G2E3: variants seen among roughly 807,000 people sequenced by gnomAD.
The protein encoded by G2E3 is G2/M phase-specific E3 ubiquitin-protein ligase.
Under a neutral mutation model 92.8 loss-of-function variants are expected in G2E3, and 35 were observed. The ratio of observed to expected loss-of-function variants is 0.38; its 90% CI spans 0.29 to 0.50. The LOEUF (loss-of-function observed/expected upper bound fraction) is 0.50. Among genes scored for constraint, G2E3 ranks in the 20% least tolerant of loss-of-function variants. G2E3 has a pLI of 0.94. For synonymous variants in G2E3, 242 were observed against 272.4 expected, an observed-to-expected ratio of 0.89 and a Z score of 1.10; for missense variants, 554 against 823.8, an observed-to-expected ratio of 0.67 and a Z score of 4.01.
At chr14:30,564,775 A>G (rs1051521652) in intron 1 of G2E3, among the ~76,000 whole-genome samples, 8 of 152,166 alleles carry the variant, frequency 5.3e-5, no homozygotes, top group South Asian at 2.1e-4. Flanking sequence ...AAGGTTATCT[A>G]TGTTGTAGCA....
intron 1 of G2E3, among the ~76,000 whole-genome samples, chr14:30,564,312 T>C (rs954479027): frequency 6.6e-6 from 1 of 152,198 alleles, no homozygotes; most frequent in African/African-American, 2.4e-5. Context: ...TTGACCTTTT[T>C]TTGAGGTAAA....
chr14:30,607,831 G>T (rs1314514978), intron 11 of G2E3, 57 bp from the exon 12 acceptor site: 1 of 872,156 alleles, frequency 1.1e-6, no homozygotes, highest in Non-Finnish European at 1.7e-6. Context: ...TATAAAAAAT[G>T]ATGGTTATCT....
chr14:30,574,425 T>C (rs1013024601), intron 1 of G2E3: 23 of 138,100 alleles, frequency 1.7e-4, no homozygotes, highest in Non-Finnish European at 3.2e-4. Context: ...TTTTTTTAAC[T>C]TTTTTTTTTT....
At chr14:30,581,457 A>AC in intron 2 of G2E3, among the ~76,000 whole-genome samples, 1 of 152,242 alleles carries the variant, frequency 6.6e-6, no homozygotes, top group Non-Finnish European at 1.5e-5. Flanking sequence ...CTGCAATTCC[A>AC]GCACTTTACG....
chr14:30,598,474 CT>C lies in G2E3; in HGVS notation c.636-5del. 1 of 1,506,102 alleles carries C rather than the reference CT, an allele frequency of 6.6e-7. No individual in the cohort carries two copies. The highest frequency in any genetic ancestry group is 9.2e-7 in the Non-Finnish European group (1 of 1,081,634). 93.3% of individuals were successfully genotyped at this position (1,506,102 alleles called of 1,614,324 possible). A position where few individuals can be genotyped will look rare whatever the true frequency, so the allele number is the denominator to read the frequency against. On this transcript the variant is annotated splice_region_variant and splice_polypyrimidine_tract_variant and intron_variant, in intron 7 of 14. Transcript: ENST00000206595. ...TAGGTCAAAGCATATTTTATATCTT[CT>C]TTTATAGAGATGCTTCCTGGGAATT... is the stretch of plus-strand genomic sequence containing the variant.
chr14:30,608,395 T>C (rs1881932097), intron 12 of G2E3, among the ~76,000 whole-genome samples: 1 of 152,166 alleles, frequency 6.6e-6, no homozygotes, highest in South Asian at 2.1e-4. Context: ...AGATTCCCTA[T>C]TGCAAGCTAG....
chr14:30,563,235 A>G (rs1390942990), intron 1 of G2E3, among the ~76,000 whole-genome samples: 1 of 152,140 alleles, frequency 6.6e-6, no homozygotes. Context: ...TAGGGAATTA[A>G]AAAACAAAAC....
At chr14:30,602,180 T>G (rs927540951) in intron 10 of G2E3, 49 bp downstream of exon 10, 3 of 1,413,820 alleles carry the variant, frequency 2.1e-6, no homozygotes, top group Non-Finnish European at 3.0e-6. Flanking sequence ...TTGGAGAAAA[T>G]TATGATAGGA....
Position 30,601,793 on chromosome 14 carries a change from A to G in G2E3, c.776A>G (p.Gln259Arg), listed in dbSNP as rs1881580126. Reference protein sequence around the residue: ...PDSKWEIKRCQCCGSSGTHLA... With the variant: ...PDSKWEIKRCRCCGSSGTHLA... ...AGCAAATGGGAAATAAAGCGCTGTC[A>G]GTGTTGTGGTTCCAGTGGCACACAT... Residue 259 changes from glutamine to arginine, a missense_variant, in exon 9 of 15, where the codon CAG (glutamine) becomes CGG (arginine). This residue lies in a region of G2E3 where 397 missense variants were observed against 560.3 expected (regional missense o/e 0.71). Coordinates refer to ENST00000206595, the MANE Select transcript of G2E3 (RefSeq NM_017769.5). The G allele has an allele frequency of 1.2e-6, 2 of 1,614,020 alleles. No individual in the cohort carries two copies. The highest frequency in any genetic ancestry group is 2.7e-5 in the African/African-American group (2 of 75,032).
In G2E3 at chr14:30,605,819, A is replaced by G; in HGVS notation, c.1318+7A>G. On this transcript the variant is annotated splice_region_variant and intron_variant, in intron 11 of 14. Transcript: ENST00000206595. ...TTGTCTCTAAATTCTCAAGGTAATT[A>G]TTTTATTTATTGTTGTATATACCAA... is the stretch of plus-strand genomic sequence containing the variant. 1 of 1,446,612 alleles carries G rather than the reference A, an allele frequency of 6.9e-7. No individual in the cohort carries two copies. The highest frequency in any genetic ancestry group is 1.3e-5 in the South Asian group (1 of 74,864). The allele number at this position is 1,446,612 out of a possible 1,614,324, so 89.6% of individuals were successfully genotyped here.
chr14:30,615,513 G>T lies in G2E3; in HGVS notation c.1838G>T (p.Trp613Leu). Reference protein sequence around the residue: ...TLPDVKALGFWNSYLQAVEDG... With the variant: ...TLPDVKALGFLNSYLQAVEDG... Reference sequence around the variant, plus strand: ...CCTGATGTGAAAGCTTTGGGGTTTTGGAACAGTTACTTACAGGCTGTTGAA... The same window carrying T: ...CCTGATGTGAAAGCTTTGGGGTTTTTGAACAGTTACTTACAGGCTGTTGAA... Residue 613 changes from tryptophan (W) to leucine (L), a missense_variant, in exon 14 of 15, where the codon TGG (tryptophan) becomes TTG (leucine). Trp to Leu is a moderately conservative substitution (Grantham distance 61). Around this residue, in one of 3 missense-constraint regions of G2E3, gnomAD observed 397 missense variants for 560.3 expected, o/e 0.71. Transcript: ENST00000206595. 6.3e-7 allele frequency: 1 copy of T among 1,598,316 alleles called. No homozygotes were observed. Among genetic ancestry groups the T allele is most frequent in the South Asian group, 1.1e-5 (1 of 87,774 alleles).
intron 1 of G2E3, among the ~76,000 whole-genome samples, chr14:30,579,581 C>G (rs984116778): frequency 3.9e-5 from 6 of 152,142 alleles, no homozygotes; most frequent in Non-Finnish European, 5.9e-5. Flanking sequence ...TTTGTGGTGT[C>G]TTAGATTTGA....
chr14:30,565,904 T>C (rs1879403803), intron 1 of G2E3, among the ~76,000 whole-genome samples: 1 of 152,032 alleles, frequency 6.6e-6, no homozygotes, highest in Non-Finnish European at 1.5e-5. Context: ...CCTCATGATC[T>C]GTCGCCTCGG....
intron 12 of G2E3, among the ~76,000 whole-genome samples, chr14:30,610,528 G>A (rs754726906): frequency 6.6e-6 from 1 of 152,130 alleles, no homozygotes; most frequent in African/African-American, 2.4e-5. Context: ...GCTTGAGCCC[G>A]GGAGGCAGAG....
intron 1 of G2E3, chr14:30,560,530 T>G (rs566361915): frequency 9.8e-5 from 43 of 440,562 alleles, no homozygotes; most frequent in African/African-American, 8.1e-4. Flanking sequence ...TATGAGCATT[T>G]TTCATATAGT....
intron 2 of G2E3, among the ~76,000 whole-genome samples, chr14:30,584,757 T>C (rs1379982719): frequency 6.6e-6 from 1 of 151,920 alleles, no homozygotes; most frequent in Non-Finnish European, 1.5e-5. Context: ...GTTATCAGAG[T>C]TTTTTTAATG....
chr14:30,602,219 G>A, intron 10 of G2E3, 88 bp downstream of exon 10: 1 of 991,658 alleles, frequency 1.0e-6, no homozygotes, highest in Non-Finnish European at 1.5e-6. Context: ...AATATTAGGT[G>A]ATCATACAGT....
At chr14:30,598,350 GTAC>G in intron 7 of G2E3, 130 bp from the exon 8 acceptor site, 4 of 602,838 alleles carry the variant, frequency 6.6e-6, no homozygotes, top group Non-Finnish European at 8.9e-6. Context: ...TTGCACCACT[GTAC>G]TCCAGCCTGG....
At chr14:30,600,612 A>G (rs1184461773) in intron 8 of G2E3, among the ~76,000 whole-genome samples, 2 of 152,204 alleles carry the variant, frequency 1.3e-5, no homozygotes, top group Non-Finnish European at 2.9e-5. Flanking sequence ...CTTGTATACC[A>G]TTGGTCTCTC....
Sources: gnomAD v4.1 joint callset for allele counts (sites outside exome capture counted in the v4.1 genomes callset) on GRCh38, gnomAD v4.1.1 for gene constraint, gnomAD v4.1.1 regional missense constraint, MANE v1.5 for transcripts, NCBI Gene and HGNC (gene_info 2026-07-23, HGNC 2026-07-21) for gene names.